Variants in SEMA3E observed in about 807,000 individuals in gnomAD.
The protein encoded by SEMA3E is semaphorin-3E.
A neutral mutation model predicts 93.6 loss-of-function variants in SEMA3E; 49 were observed. The observed-to-expected ratio is 0.52, with a 90% CI of 0.42 to 0.66. SEMA3E has a LOEUF of 0.66. Ranked by LOEUF, SEMA3E falls within the 30% of genes least tolerant of loss-of-function variation. The pLI is 0.00. For synonymous variants in SEMA3E, 363 were observed against 330.7 expected, an observed-to-expected ratio of 1.10 and a Z score of -1.06; for missense variants, 906 against 964.8, an observed-to-expected ratio of 0.94 and a Z score of 0.81.
intron 4 of SEMA3E, among the ~76,000 whole-genome samples, chr7:83,432,720 T>G (rs1405863010): frequency 1.3e-5 from 2 of 152,204 alleles, no homozygotes; most frequent in African/African-American, 4.8e-5. Flanking sequence ...GGGTGCCTAT[T>G]AATTTCAAAG....
chr7:83,555,424 A>G (rs1023848936), intron 1 of SEMA3E, among the ~76,000 whole-genome samples: 1 of 152,218 alleles, frequency 6.6e-6, no homozygotes, highest in African/African-American at 2.4e-5. Context: ...TAGAAGTCAC[A>G]GCATTTAATT....
intron 1 of SEMA3E, among the ~76,000 whole-genome samples, chr7:83,596,188 T>G (rs1423379680): frequency 6.6e-6 from 1 of 152,118 alleles, no homozygotes; most frequent in African/African-American, 2.4e-5. Context: ...TTGCCCAAAT[T>G]GTTCCAGCTT....
At chr7:83,623,605 C>T (rs1221431130) in intron 1 of SEMA3E, among the ~76,000 whole-genome samples, 1 of 150,928 alleles carries the variant, frequency 6.6e-6, no homozygotes, top group African/African-American at 2.4e-5. Flanking sequence ...TTATAAATCT[C>T]TACCTGAAAA....
At chr7:83,513,806 T>C (rs568121582) in intron 1 of SEMA3E, among the ~76,000 whole-genome samples, 121 of 152,178 alleles carry the variant, frequency 8.0e-4, no homozygotes, top group Non-Finnish European at 1.3e-3. Context: ...CCGTGCTATA[T>C]TGATCGAGCT....
At chr7:83,585,369 G>A (rs1792604831) in intron 1 of SEMA3E, among the ~76,000 whole-genome samples, 1 of 152,082 alleles carries the variant, frequency 6.6e-6, no homozygotes, top group African/African-American at 2.4e-5. Context: ...CATGAAGAAG[G>A]GCCAGCATTT....
chr7:83,510,107 A>G (rs1046490708), intron 1 of SEMA3E, among the ~76,000 whole-genome samples: 6 of 151,896 alleles, frequency 4.0e-5, no homozygotes, highest in Non-Finnish European at 7.3e-5. Context: ...CACATTCTTG[A>G]GTATTATTGT....
chr7:83,573,756 A>G (rs533385518), intron 1 of SEMA3E, among the ~76,000 whole-genome samples: 1 of 152,124 alleles, frequency 6.6e-6, no homozygotes, highest in African/African-American at 2.4e-5. Context: ...TAGACGATTC[A>G]TGGTATTCTT....
intron 1 of SEMA3E, among the ~76,000 whole-genome samples, chr7:83,618,352 T>C (rs978770290): frequency 2.0e-5 from 3 of 152,056 alleles, no homozygotes; most frequent in Non-Finnish European, 4.4e-5. Context: ...TTCTCTCTGA[T>C]CTCATTATAC....
intron 14 of SEMA3E, 76 bp downstream of exon 14, chr7:83,392,479 A>G: frequency 1.4e-6 from 2 of 1,393,078 alleles, no homozygotes; most frequent in Admixed American, 4.6e-5. Flanking sequence ...GGAAAACTTC[A>G]AGTTAAAAAA....
intron 1 of SEMA3E, among the ~76,000 whole-genome samples, chr7:83,626,747 GC>G (rs1399424368): frequency 6.6e-6 from 1 of 152,026 alleles, no homozygotes; most frequent in African/African-American, 2.4e-5. Flanking sequence ...TCCTCTGCTA[GC>G]TTTTGAATTT....
chr7:83,648,284 G>A, intron 1 of SEMA3E, 144 bp downstream of exon 1: 1 of 645,852 alleles, frequency 1.5e-6, no homozygotes, highest in Non-Finnish European at 2.7e-6. Flanking sequence ...AGAATTTTAG[G>A]TCAGTTTTGC....
intron 1 of SEMA3E, among the ~76,000 whole-genome samples, chr7:83,631,191 T>A (rs1167818480): frequency 1.3e-5 from 2 of 152,106 alleles, no homozygotes; most frequent in East Asian, 3.8e-4. Flanking sequence ...GACGGTTTTG[T>A]TTCTTCATAT....
chr7:83,405,639 A>G, intron 8 of SEMA3E, 120 bp from the exon 9 acceptor site: 1 of 834,994 alleles, frequency 1.2e-6, no homozygotes, highest in Non-Finnish European at 2.0e-6. Flanking sequence ...GTATTTTCAT[A>G]TACAATCATA....
intron 1 of SEMA3E, among the ~76,000 whole-genome samples, chr7:83,500,610 G>A (rs1392135395): frequency 1.4e-3 from 16 of 11,638 alleles, no homozygotes; most frequent in Admixed American, 7.7e-3. Context: ...TTTTTTTTTT[G>A]AGATAAAGTT....
intron 4 of SEMA3E, among the ~76,000 whole-genome samples, chr7:83,443,916 G>GATATATAT (rs60405752): frequency 1.2e-3 from 170 of 147,438 alleles, no homozygotes; most frequent in African/African-American, 3.9e-3. Context: ...ATAATGACCT[G>GATATATAT]ATATATATAT....
chr7:83,496,495 G>T (rs913119346), intron 1 of SEMA3E, among the ~76,000 whole-genome samples: 1 of 151,684 alleles, frequency 6.6e-6, no homozygotes, highest in Admixed American at 6.6e-5. Flanking sequence ...TAAACTATCC[G>T]AAATAATTAC....
chr7:83,452,992 TG>T (rs1789396140), intron 4 of SEMA3E, among the ~76,000 whole-genome samples: 1 of 152,162 alleles, frequency 6.6e-6, no homozygotes, highest in South Asian at 2.1e-4. Context: ...TTTAAAGTAT[TG>T]GTTTCCATTG....
chr7:83,589,533 A>G (rs545622409), intron 1 of SEMA3E, among the ~76,000 whole-genome samples: 3 of 152,274 alleles, frequency 2.0e-5, no homozygotes, highest in East Asian at 1.9e-4. Flanking sequence ...CATAAAGTAG[A>G]CATAGAATGT....
chr7:83,613,250 T>C (rs1015572421), intron 1 of SEMA3E, among the ~76,000 whole-genome samples: 2 of 152,026 alleles, frequency 1.3e-5, no homozygotes, highest in Admixed American at 6.6e-5. Flanking sequence ...CATCCTGCCT[T>C]TCTCCTCATC....
Sources: gnomAD v4.1 joint callset for allele counts (sites outside exome capture counted in the v4.1 genomes callset) on GRCh38, gnomAD v4.1.1 for gene constraint, MANE v1.5 for transcripts, NCBI Gene and HGNC (gene_info 2026-07-23, HGNC 2026-07-21) for gene names.